HMGCLL1: variants seen among roughly 807,000 people sequenced by gnomAD.
The protein encoded by HMGCLL1 is 3-hydroxy-3-methylglutaryl-CoA lyase like 1.
In HMGCLL1, 36 loss-of-function variants were observed where a neutral mutation model predicts 39.1. The ratio of observed to expected loss-of-function variants is 0.92; its 90% CI spans 0.71 to 1.22. The LOEUF is 1.22. Ranked by LOEUF, HMGCLL1 falls within the 50% of genes most tolerant of loss-of-function variation. The probability of loss-of-function intolerance (pLI) is 0.00; values close to 1 mark genes in which losing one functional copy is unlikely to be tolerated. For synonymous variants in HMGCLL1, 149 were observed against 144.0 expected, an observed-to-expected ratio of 1.03 and a Z score of -0.25; for missense variants, 451 against 416.5, an observed-to-expected ratio of 1.08 and a Z score of -0.72.
chr6:55,460,583 T>C (rs1764515609), intron 7 of HMGCLL1, among the ~76,000 whole-genome samples: 2 of 151,932 alleles, frequency 1.3e-5, no homozygotes, highest in Admixed American at 6.6e-5. Flanking sequence ...AAATATTTTG[T>C]AAGTCATAGA....
intron 1 of HMGCLL1, among the ~76,000 whole-genome samples, chr6:55,554,334 G>C (rs1770530381): frequency 6.6e-6 from 1 of 151,930 alleles, no homozygotes; most frequent in Non-Finnish European, 1.5e-5. Flanking sequence ...CATAGTTTTG[G>C]GGTGTAAAAA....
intron 5 of HMGCLL1, among the ~76,000 whole-genome samples, chr6:55,506,290 C>T (rs1457769419): frequency 6.6e-6 from 1 of 151,616 alleles, no homozygotes; most frequent in Admixed American, 6.6e-5. Context: ...ATTTGTCTTT[C>T]CACTCTAATT....
intron 7 of HMGCLL1, among the ~76,000 whole-genome samples, chr6:55,469,261 C>T (rs1237070068): frequency 6.6e-6 from 1 of 150,614 alleles, no homozygotes; most frequent in Non-Finnish European, 1.5e-5. Context: ...TAAGAAAAGC[C>T]CATAACATGG....
At chr6:55,476,913 C>A (rs1191013143) in intron 7 of HMGCLL1, among the ~76,000 whole-genome samples, 1 of 146,374 alleles carries the variant, frequency 6.8e-6, no homozygotes, top group African/African-American at 2.7e-5. Context: ...CTGCATCTAA[C>A]ATCACACGGG....
the HMGCLL1 span, among the ~76,000 whole-genome samples, chr6:55,649,666 C>T: frequency 1.3e-5 from 2 of 151,950 alleles, no homozygotes; most frequent in Non-Finnish European, 2.9e-5. Flanking sequence ...TTTGAATAAA[C>T]TTTCTACCCC....
chr6:55,657,917 G>A, the HMGCLL1 span, among the ~76,000 whole-genome samples: 25 of 152,032 alleles, frequency 1.6e-4, no homozygotes, highest in South Asian at 4.4e-3. Flanking sequence ...AGAGTGGAAG[G>A]TGGAAGGAGG....
intron 7 of HMGCLL1, among the ~76,000 whole-genome samples, chr6:55,470,278 T>C (rs1001864444): frequency 6.6e-6 from 1 of 151,884 alleles, no homozygotes; most frequent in African/African-American, 2.4e-5. Context: ...GTTTCCGGTC[T>C]CTGGTTACAG....
rs970106899 is a variant in HMGCLL1, at chr6:55,439,649, A to G, written c.796-90T>C. On this transcript the variant is annotated intron_variant, in intron 7 of 8. Coordinates refer to ENST00000274901, the MANE Select transcript of HMGCLL1 (RefSeq NM_001042406.2). ...TTTAACCTATGGTAAACTGCAAATA[A>G]GCAAAATCTGAACTGGTTATTCAAA... 21 of 1,391,486 alleles carry G rather than the reference A, an allele frequency of 1.5e-5. No homozygotes were observed. In the African/African-American group the frequency reaches 2.4e-4, roughly 16 times the overall value. 86.2% of individuals were successfully genotyped at this position (1,391,486 alleles called of 1,614,324 possible). A position where few individuals can be genotyped will look rare whatever the true frequency, so the allele number is the denominator to read the frequency against.
the HMGCLL1 span, among the ~76,000 whole-genome samples, chr6:55,644,030 C>T: frequency 6.6e-6 from 1 of 151,980 alleles, no homozygotes; most frequent in Non-Finnish European, 1.5e-5. Context: ...CACCAGTTTA[C>T]TCTGGTTCCC....
At chr6:55,456,764 G>A (rs1020405544) in intron 7 of HMGCLL1, among the ~76,000 whole-genome samples, 1 of 152,136 alleles carries the variant, frequency 6.6e-6, no homozygotes, top group Non-Finnish European at 1.5e-5. Context: ...CTGGATGCTG[G>A]GCTCCAGTAA....
chr6:55,623,900 G>C, the HMGCLL1 span, among the ~76,000 whole-genome samples: 1 of 151,986 alleles, frequency 6.6e-6, no homozygotes, highest in Non-Finnish European at 1.5e-5. Context: ...CTTGGGAAAT[G>C]ACAACAGGAT....
At chr6:55,659,767 T>C in the HMGCLL1 span, among the ~76,000 whole-genome samples, 2 of 151,922 alleles carry the variant, frequency 1.3e-5, no homozygotes, top group Non-Finnish European at 2.9e-5. Context: ...ACTAGGTTAT[T>C]CCTTCCTGAA....
the HMGCLL1 span, among the ~76,000 whole-genome samples, chr6:55,593,055 T>C: frequency 2.0e-5 from 3 of 152,218 alleles, no homozygotes; most frequent in South Asian, 6.2e-4. Context: ...GGAGACTTCC[T>C]ACAAATTCAA....
the HMGCLL1 span, among the ~76,000 whole-genome samples, chr6:55,638,933 A>G: frequency 6.6e-6 from 1 of 152,288 alleles, no homozygotes; most frequent in Non-Finnish European, 1.5e-5. Context: ...ATAACTTGCA[A>G]ATTTAAATCT....
the HMGCLL1 span, among the ~76,000 whole-genome samples, chr6:55,615,861 G>T: frequency 6.6e-6 from 1 of 151,972 alleles, no homozygotes; most frequent in Non-Finnish European, 1.5e-5. Flanking sequence ...ATGTCAATAG[G>T]CAAAGATGAG....
intron 1 of HMGCLL1, among the ~76,000 whole-genome samples, chr6:55,576,295 G>T (rs1051979368): frequency 6.6e-6 from 1 of 152,100 alleles, no homozygotes; most frequent in Admixed American, 6.6e-5. Context: ...TAGCAGAGAG[G>T]AAGGTAAGCA....
chr6:55,466,215 A>T (rs1222532500), intron 7 of HMGCLL1, among the ~76,000 whole-genome samples: 1 of 152,100 alleles, frequency 6.6e-6, no homozygotes, highest in African/African-American at 2.4e-5. Context: ...TTAAGAGGCA[A>T]TAACACTAGC....
chr6:55,509,767 T>C (rs1235813616), intron 5 of HMGCLL1, among the ~76,000 whole-genome samples: 2 of 151,914 alleles, frequency 1.3e-5, no homozygotes, highest in Admixed American at 1.3e-4. Context: ...TTCTTCACGA[T>C]TGTATGTAAT....
At chr6:55,571,075 C>T (rs993169534) in intron 1 of HMGCLL1, among the ~76,000 whole-genome samples, 3 of 152,182 alleles carry the variant, frequency 2.0e-5, no homozygotes, top group Admixed American at 6.5e-5. Context: ...CCTCCCACAA[C>T]GTGTGGAAAT....
Sources: gnomAD v4.1 joint callset for allele counts (sites outside exome capture counted in the v4.1 genomes callset) on GRCh38, gnomAD v4.1.1 for gene constraint, MANE v1.5 for transcripts, NCBI Gene and HGNC (gene_info 2026-07-23, HGNC 2026-07-21) for gene names.